TNS3: variants seen among roughly 807,000 people sequenced by gnomAD.
The protein encoded by TNS3 is tensin 3.
TNS3 carries 45 observed loss-of-function variants against 140.9 expected under a neutral mutation model. That is an observed-to-expected ratio of 0.32 (90% CI 0.25 to 0.41). The LOEUF is 0.41. Ranked by LOEUF, TNS3 falls within the 10% of genes least tolerant of loss-of-function variation. TNS3 has a pLI of 1.00. For missense variants in TNS3, 1,716 were observed against 1,906.7 expected (o/e 0.90, Z 1.86); for synonymous variants, 815 against 788.4 (o/e 1.03, Z -0.56).
At chr7:47,405,616 C>T in intron 13 of TNS3, 1 of 702,752 alleles carries the variant, frequency 1.4e-6, no homozygotes, top group Non-Finnish European at 2.6e-6. Flanking sequence ...CAACCAAGTC[C>T]ACTATGCTGA....
intron 3 of TNS3, among the ~76,000 whole-genome samples, chr7:47,490,132 C>T (rs1213440523): frequency 1.3e-5 from 2 of 152,192 alleles, no homozygotes; most frequent in Non-Finnish European, 2.9e-5. Flanking sequence ...TTTATTAGAG[C>T]ATTATAATGC....
intron 3 of TNS3, among the ~76,000 whole-genome samples, chr7:47,487,859 T>A (rs531894736): frequency 6.6e-6 from 1 of 152,210 alleles, no homozygotes; most frequent in African/African-American, 2.4e-5. Flanking sequence ...TTAAAGAAAC[T>A]TCGTGATGGC....
intron 30 of TNS3, chr7:47,279,931 G>T: frequency 1.7e-6 from 1 of 592,594 alleles, no homozygotes; most frequent in Non-Finnish European, 3.0e-6. Context: ...ATGCCACAGT[G>T]TTATATGACA....
intron 4 of TNS3, among the ~76,000 whole-genome samples, chr7:47,469,712 G>A (rs796171125): frequency 6.6e-6 from 1 of 152,154 alleles, no homozygotes; most frequent in Non-Finnish European, 1.5e-5. Flanking sequence ...GGTGGCTCAC[G>A]CCTGTAATCC....
At chr7:47,510,279 A>C (rs1033045858) in intron 2 of TNS3, among the ~76,000 whole-genome samples, 1 of 152,198 alleles carries the variant, frequency 6.6e-6, no homozygotes, top group African/African-American at 2.4e-5. Flanking sequence ...GCAAAACAGA[A>C]GAAGAACTTC....
At chr7:47,567,339 A>T (rs532611325) in intron 1 of TNS3, among the ~76,000 whole-genome samples, 1 of 152,350 alleles carries the variant, frequency 6.6e-6, no homozygotes, top group African/African-American at 2.4e-5. Context: ...TCTATGTACT[A>T]GTAATGAATA....
chr7:47,286,294 G>A (rs1050769058), intron 27 of TNS3, among the ~76,000 whole-genome samples: 2 of 152,052 alleles, frequency 1.3e-5, no homozygotes, highest in African/African-American at 4.8e-5. Context: ...TGCTGTTTGG[G>A]GAATCTCTCT....
intron 4 of TNS3, among the ~76,000 whole-genome samples, chr7:47,447,548 G>C (rs562325800): frequency 6.6e-6 from 1 of 152,052 alleles, no homozygotes; most frequent in Non-Finnish European, 1.5e-5. Flanking sequence ...AGGACTGTGC[G>C]CTCATGTCCC....
chr7:47,535,342 T>G (rs1211814301), intron 1 of TNS3, among the ~76,000 whole-genome samples: 1 of 152,228 alleles, frequency 6.6e-6, no homozygotes, highest in Non-Finnish European at 1.5e-5. Flanking sequence ...CTAGAAAACT[T>G]AAAGAGGGAA....
At chr7:47,485,702 GC>G (rs1162871192) in intron 3 of TNS3, among the ~76,000 whole-genome samples, 4 of 152,248 alleles carry the variant, frequency 2.6e-5, no homozygotes, top group Non-Finnish European at 4.4e-5. Context: ...CTGTTTGGGA[GC>G]CTCTTTATTG....
chr7:47,506,828 G>A (rs1798433793), intron 3 of TNS3, 79 bp downstream of exon 3: 50 of 1,123,212 alleles, frequency 4.5e-5, no homozygotes, highest in Non-Finnish European at 5.6e-5. Flanking sequence ...GCAGTCCAAA[G>A]AGGCCCCCCC....
chr7:47,419,559 T>C (rs1413211769), intron 10 of TNS3, among the ~76,000 whole-genome samples: 1 of 152,184 alleles, frequency 6.6e-6, no homozygotes, highest in Non-Finnish European at 1.5e-5. Flanking sequence ...TAAACCACTT[T>C]TGTAAAACTA....
At chr7:47,564,566 G>A (rs1008595198) in intron 1 of TNS3, among the ~76,000 whole-genome samples, 15 of 142,492 alleles carry the variant, frequency 1.1e-4, no homozygotes, top group African/African-American at 3.4e-4. Context: ...AACCCAGGAC[G>A]CAGAAGTTGC....
intron 3 of TNS3, among the ~76,000 whole-genome samples, chr7:47,494,680 G>A (rs529686901): frequency 1.3e-5 from 2 of 152,136 alleles, no homozygotes; most frequent in Non-Finnish European, 2.9e-5. Context: ...CACACACACA[G>A]TGCGCAGAAA....
intron 25 of TNS3, 126 bp downstream of exon 25, chr7:47,293,607 G>A (rs954570101): frequency 6.4e-6 from 5 of 782,658 alleles, no homozygotes; most frequent in Non-Finnish European, 1.1e-5. Flanking sequence ...CAGGATTTCA[G>A]AACTGGGGAC....
At position 47,508,203 on chromosome 7, in the gene TNS3, A is replaced by G. The variant is rs1798487929; in HGVS notation, c.-152-1259T>C. On this transcript the variant is annotated intron_variant, in intron 2 of 30. Coordinates refer to ENST00000311160, the MANE Select transcript of TNS3 (RefSeq NM_022748.12). ...GTAGGGTTGAATGAGGATGAAACAGATAAGGTCACTTGCCCACTGCCTGGC... is the reference window on the plus strand; with the variant it reads ...GTAGGGTTGAATGAGGATGAAACAGGTAAGGTCACTTGCCCACTGCCTGGC... 2.0e-5 allele frequency among the ~76,000 whole-genome samples: 3 copies of G among 152,214 alleles called. No individual in the cohort carries two copies. In the South Asian group the frequency reaches 6.2e-4, roughly 32 times the overall value.
chr7:47,339,025 A>C (rs1788791715), intron 20 of TNS3, among the ~76,000 whole-genome samples: 1 of 151,990 alleles, frequency 6.6e-6, no homozygotes, highest in African/African-American at 2.4e-5. Flanking sequence ...CTTTTTAATA[A>C]TAGTTTGGCT....
At chr7:47,289,157 A>G (rs951580153) in intron 27 of TNS3, among the ~76,000 whole-genome samples, 1 of 152,232 alleles carries the variant, frequency 6.6e-6, no homozygotes, top group Non-Finnish European at 1.5e-5. Context: ...ACATAGAAGA[A>G]TAATACAAAT....
At chr7:47,327,000 A>G (rs1788057874) in intron 20 of TNS3, among the ~76,000 whole-genome samples, 1 of 151,984 alleles carries the variant, frequency 6.6e-6, no homozygotes, top group Non-Finnish European at 1.5e-5. Context: ...GAATACACAC[A>G]CACACGCTGT....
Sources: allele counts gnomAD v4.1 joint callset (sites outside exome capture counted in the v4.1 genomes callset), GRCh38; gene constraint gnomAD v4.1.1; transcripts MANE v1.5; gene names NCBI Gene and HGNC (gene_info 2026-07-23, HGNC 2026-07-21).